The following EEFSEC variants were observed in gnomAD, a reference collection of about 807,000 sequenced individuals.
The protein encoded by EEFSEC is selenocysteine-specific elongation factor.
Under a neutral mutation model 42.1 loss-of-function variants are expected in EEFSEC, and 43 were observed. The observed-to-expected ratio is 1.02, with a 90% CI of 0.80 to 1.32. EEFSEC has a LOEUF of 1.32. Ranked by LOEUF, EEFSEC falls within the 40% of genes most tolerant of loss-of-function variation. EEFSEC has a pLI of 0.00. For synonymous variants in EEFSEC, 354 were observed against 339.1 expected, an observed-to-expected ratio of 1.04 and a Z score of -0.48; for missense variants, 745 against 803.6, an observed-to-expected ratio of 0.93 and a Z score of 0.88.
At chr3:128,354,139 C>T (rs963700449) in intron 5 of EEFSEC, among the ~76,000 whole-genome samples, 6 of 152,136 alleles carry the variant, frequency 3.9e-5, no homozygotes, top group Non-Finnish European at 8.8e-5. Context: ...CGCCAGCACT[C>T]TCGAGACCAC....
intron 4 of EEFSEC, among the ~76,000 whole-genome samples, chr3:128,299,231 A>G (rs1292065335): frequency 2.0e-5 from 3 of 152,094 alleles, no homozygotes; most frequent in African/African-American, 7.2e-5. Context: ...ACCAGTATCC[A>G]TTACTTTTTG....
At chr3:128,245,893 C>T (rs1051370291) in intron 1 of EEFSEC, among the ~76,000 whole-genome samples, 10 of 152,206 alleles carry the variant, frequency 6.6e-5, no homozygotes, top group Non-Finnish European at 1.5e-4. Context: ...TCAGCATCAT[C>T]AGAGTCATTC....
chr3:128,358,857 C>T (rs1045083840), intron 6 of EEFSEC, among the ~76,000 whole-genome samples: 8 of 152,118 alleles, frequency 5.3e-5, no homozygotes, highest in Non-Finnish European at 1.0e-4. Context: ...GGGGCCTCTC[C>T]GTGGGCTGGG....
At chr3:128,316,890 G>T (rs1004376997) in intron 4 of EEFSEC, among the ~76,000 whole-genome samples, 1 of 152,104 alleles carries the variant, frequency 6.6e-6, no homozygotes, top group Non-Finnish European at 1.5e-5. Flanking sequence ...TCCCAGCCCC[G>T]ACCTTCCTTG....
At chr3:128,342,141 A>G (rs576988940) in intron 5 of EEFSEC, among the ~76,000 whole-genome samples, 2 of 152,296 alleles carry the variant, frequency 1.3e-5, no homozygotes, top group East Asian at 3.9e-4. Flanking sequence ...CCACCCAGCT[A>G]TCCCACCCCC....
At chr3:128,414,177 C>G in the EEFSEC span, among the ~76,000 whole-genome samples, 1 of 152,232 alleles carries the variant, frequency 6.6e-6, no homozygotes, top group Non-Finnish European at 1.5e-5. Context: ...TGATGTCTAT[C>G]TGGGACCCCC....
chr3:128,425,629 A>G, the EEFSEC span, among the ~76,000 whole-genome samples: 1 of 152,308 alleles, frequency 6.6e-6, no homozygotes, highest in African/African-American at 2.4e-5. Context: ...CACTCAACAC[A>G]TTCCCATCGG....
chr3:128,347,750 G>A (rs2067330258), intron 5 of EEFSEC, among the ~76,000 whole-genome samples: 1 of 152,080 alleles, frequency 6.6e-6, no homozygotes, highest in African/African-American at 2.4e-5. Context: ...TAAAAGGCTC[G>A]GTTATAAACT....
chr3:128,361,141 C>T (rs899156634), intron 6 of EEFSEC, among the ~76,000 whole-genome samples: 1 of 152,232 alleles, frequency 6.6e-6, no homozygotes, highest in South Asian at 2.1e-4. Flanking sequence ...TCATGGGCCT[C>T]GCTGCCGGCT....
intron 4 of EEFSEC, among the ~76,000 whole-genome samples, chr3:128,302,132 G>T (rs2066775790): frequency 6.6e-6 from 1 of 152,110 alleles, no homozygotes; most frequent in Non-Finnish European, 1.5e-5. Context: ...TAACTTTCTT[G>T]GCATGACATT....
chr3:128,249,659 T>TTATTCC (rs1322205756), intron 2 of EEFSEC, among the ~76,000 whole-genome samples: 1 of 152,222 alleles, frequency 6.6e-6, no homozygotes, highest in Non-Finnish European at 1.5e-5. Context: ...CTGTTCTAGA[T>TTATTCC]ACCTTTTATC....
At chr3:128,213,462 G>A (rs1375287097) in intron 1 of EEFSEC, among the ~76,000 whole-genome samples, 2 of 152,154 alleles carry the variant, frequency 1.3e-5, no homozygotes, top group Non-Finnish European at 2.9e-5. Flanking sequence ...CAGATACCTG[G>A]CCCAGTGCCA....
At chr3:128,217,966 C>T (rs2065826755) in intron 1 of EEFSEC, among the ~76,000 whole-genome samples, 1 of 152,160 alleles carries the variant, frequency 6.6e-6, no homozygotes, top group Non-Finnish European at 1.5e-5. Context: ...GAAACAGGCT[C>T]AGGGGGTTAA....
intron 6 of EEFSEC, among the ~76,000 whole-genome samples, chr3:128,378,752 G>A (rs2067738525): frequency 6.6e-6 from 1 of 152,216 alleles, no homozygotes; most frequent in South Asian, 2.1e-4. Context: ...GCCTGACTCT[G>A]ACAGCTGACT....
intron 4 of EEFSEC, among the ~76,000 whole-genome samples, chr3:128,323,834 G>A (rs967144193): frequency 4.6e-5 from 7 of 152,216 alleles, no homozygotes; most frequent in African/African-American, 1.7e-4. Flanking sequence ...TCTCAGTAGG[G>A]TCAGCCTGTG....
chr3:128,274,165 A>C (rs184044382), intron 4 of EEFSEC, among the ~76,000 whole-genome samples: 1 of 152,216 alleles, frequency 6.6e-6, no homozygotes, highest in African/African-American at 2.4e-5. Context: ...GCAGTGTTAC[A>C]AAGAAGTGAC....
intron 4 of EEFSEC, among the ~76,000 whole-genome samples, chr3:128,326,380 A>G (rs905955242): frequency 1.3e-5 from 2 of 152,084 alleles, no homozygotes; most frequent in Non-Finnish European, 2.9e-5. Context: ...TCTTTTGCCC[A>G]CCCCATCTTG....
At chr3:128,251,877 A>G (rs1030561449) in intron 2 of EEFSEC, among the ~76,000 whole-genome samples, 1 of 152,198 alleles carries the variant, frequency 6.6e-6, no homozygotes, top group Non-Finnish European at 1.5e-5. Context: ...GCATTTATCA[A>G]TGTTAACAGA....
chr3:128,215,613 A>C (rs2065803317), intron 1 of EEFSEC, among the ~76,000 whole-genome samples: 1 of 152,222 alleles, frequency 6.6e-6, no homozygotes, highest in Non-Finnish European at 1.5e-5. Flanking sequence ...ACACTGTATT[A>C]GTCTATAATC....
Sources: gnomAD v4.1 joint callset for allele counts (sites outside exome capture counted in the v4.1 genomes callset) on GRCh38, gnomAD v4.1.1 for gene constraint, MANE v1.5 for transcripts, NCBI Gene and HGNC (gene_info 2026-07-23, HGNC 2026-07-21) for gene names.